Variants in NARS2 observed in about 807,000 individuals in gnomAD.
NARS2 encodes the protein asparaginyl-tRNA synthetase 2, mitochondrial, also known as asparaginyl-tRNA synthetase.
Under a neutral mutation model 62.9 loss-of-function variants are expected in NARS2, and 60 were observed. That is an observed-to-expected ratio of 0.95 (90% confidence interval 0.77 to 1.18). The LOEUF is 1.18. Among genes scored for constraint, NARS2 ranks in the 50% most tolerant of loss-of-function variants. The pLI is 0.00. For synonymous variants in NARS2, 196 were observed against 200.0 expected, an observed-to-expected ratio of 0.98 and a Z score of 0.17; for missense variants, 619 against 576.4, an observed-to-expected ratio of 1.07 and a Z score of -0.76.
rs1275563227 is a variant in NARS2, at chr11:78,469,317, G to C, written c.960-4C>G. On this transcript the variant is annotated splice_region_variant and splice_polypyrimidine_tract_variant and intron_variant, in intron 9 of 13. Transcript: ENST00000281038. Reference sequence around the variant, plus strand: ...CACTGCTTCAGTATAAGAAATGCTGGAGGAAAACAGGATACAAGCAGAGAA... The same window carrying C: ...CACTGCTTCAGTATAAGAAATGCTGCAGGAAAACAGGATACAAGCAGAGAA... 6.2e-7 allele frequency: 1 copy of C among 1,611,388 alleles called. No homozygotes were observed. Among genetic ancestry groups the C allele is most frequent in the Non-Finnish European group, 8.5e-7 (1 of 1,177,818 alleles).
intron 9 of NARS2, 29 bp downstream of exon 9, chr11:78,478,408 TA>T: frequency 1.1e-6 from 1 of 941,832 alleles, no homozygotes; most frequent in Non-Finnish European, 1.5e-6. Context: ...TGATAATGAA[TA>T]AAGTTCAAAA....
intron 11 of NARS2, among the ~76,000 whole-genome samples, chr11:78,464,956 C>T (rs182588265): frequency 0.011 from 1,658 of 152,366 alleles, 35 homozygotes; most frequent in African/African-American, 0.039. Flanking sequence ...CTGCCAGTCC[C>T]GCGCCATGCG....
chr11:78,466,119 G>A, intron 10 of NARS2, 106 bp from the exon 11 acceptor site: 1 of 1,191,970 alleles, frequency 8.4e-7, no homozygotes. Flanking sequence ...ATCTTCCTGA[G>A]GCTCCATGTG....
Position 78,436,669 on chromosome 11 carries a change from G to T in NARS2, c.*1C>A, listed in dbSNP as rs753911104. 21 of 1,613,890 alleles carry T rather than the reference G, an allele frequency of 1.3e-5. No homozygotes were observed. Among genetic ancestry groups the T allele is most frequent in the Admixed American group, 3.3e-5 (2 of 59,970 alleles). ...GTGCTTTTCCTTAACCAATCTTCCA[G>T]CTATAAAAGGCATGAATGAGGAAAC... On this transcript the variant is annotated 3_prime_UTR_variant, in exon 14 of 14. Transcript: ENST00000281038.
intron 6 of NARS2, among the ~76,000 whole-genome samples, chr11:78,495,809 C>G (rs976721419): frequency 6.6e-6 from 1 of 152,132 alleles, no homozygotes; most frequent in Non-Finnish European, 1.5e-5. Flanking sequence ...TGTGACTGTG[C>G]CATCTCTAGG....
intron 6 of NARS2, 32 bp downstream of exon 6, chr11:78,528,810 A>G: frequency 6.9e-7 from 1 of 1,450,962 alleles, no homozygotes; most frequent in Non-Finnish European, 9.7e-7. Context: ...ACCATAATAT[A>G]TCAAAGCAAA....
intron 7 of NARS2, among the ~76,000 whole-genome samples, chr11:78,489,565 T>C (rs2135310596): frequency 6.6e-6 from 1 of 152,284 alleles, no homozygotes; most frequent in African/African-American, 2.4e-5. Context: ...TTGTAATTTA[T>C]ATAAGGAACA....
chr11:78,543,596 A>G (rs1855719220), intron 5 of NARS2, among the ~76,000 whole-genome samples: 1 of 152,212 alleles, frequency 6.6e-6, no homozygotes, highest in Non-Finnish European at 1.5e-5. Context: ...TTCTCTCTAT[A>G]TTAAAAGTTC....
At chr11:78,472,998 T>C (rs1036956347) in intron 9 of NARS2, among the ~76,000 whole-genome samples, 4 of 152,182 alleles carry the variant, frequency 2.6e-5, no homozygotes, top group Non-Finnish European at 5.9e-5. Flanking sequence ...AACATGCATA[T>C]CTGACTTAAC....
chr11:78,572,722 T>A (rs919786718), intron 1 of NARS2, among the ~76,000 whole-genome samples: 7 of 152,210 alleles, frequency 4.6e-5, no homozygotes, highest in Non-Finnish European at 1.0e-4. Flanking sequence ...GTGAGTCACA[T>A]GTTTAATTTA....
chr11:78,553,035 C>T (rs1241149704), intron 5 of NARS2, among the ~76,000 whole-genome samples: 1 of 152,206 alleles, frequency 6.6e-6, no homozygotes. Flanking sequence ...AATCACCATA[C>T]TGCTTTCCAC....
At chr11:78,453,250 T>C (rs1858036432) in intron 11 of NARS2, among the ~76,000 whole-genome samples, 1 of 152,186 alleles carries the variant, frequency 6.6e-6, no homozygotes, top group South Asian at 2.1e-4. Context: ...GTACATCTTG[T>C]AGGCCCAGAA....
Position 78,465,968 on chromosome 11 carries a change from G to A in NARS2, c.1072C>T (p.His358Tyr), listed in dbSNP as rs1435574179. Residue 358 changes from histidine (H) to tyrosine (Y), a missense_variant, in exon 11 of 14, where the codon CAC (histidine) becomes TAC (tyrosine). Coordinates refer to ENST00000281038, the MANE Select transcript of NARS2 (RefSeq NM_024678.6). ...ACGAAGACAGGTATGTTGCCACAGTGCTTCACCAGGTACTTTTCATGTTCA... is the reference window on the plus strand; with the variant it reads ...ACGAAGACAGGTATGTTGCCACAGTACTTCACCAGGTACTTTTCATGTTCA... ...RTEHEKYLVK[H>Y]CGNIPVFVIN... 2.5e-6 allele frequency: 4 copies of A among 1,613,624 alleles called. No homozygotes were observed. In the Middle Eastern group the frequency reaches 5.0e-4, roughly 200 times the overall value.
At chr11:78,559,328 A>AAAAT (rs1856478851) in intron 5 of NARS2, among the ~76,000 whole-genome samples, 2 of 150,856 alleles carry the variant, frequency 1.3e-5, no homozygotes. Context: ...AAAAAAAAAA[A>AAAAT]TTCATTCTTA....
chr11:78,559,802 T>C (rs777153638), intron 4 of NARS2, among the ~76,000 whole-genome samples, 183 bp from the exon 5 acceptor site: 11 of 152,172 alleles, frequency 7.2e-5, no homozygotes, highest in African/African-American at 2.2e-4. Context: ...GGGGCACAAA[T>C]AATTTTAATT....
chr11:78,515,805 T>C (rs1860888724), intron 6 of NARS2, among the ~76,000 whole-genome samples: 1 of 152,232 alleles, frequency 6.6e-6, no homozygotes, highest in African/African-American at 2.4e-5. Context: ...ATTACAGCCC[T>C]GAGCCACTGC....
At chr11:78,459,599 T>C (rs1260797816) in intron 11 of NARS2, among the ~76,000 whole-genome samples, 1 of 152,170 alleles carries the variant, frequency 6.6e-6, no homozygotes, top group East Asian at 1.9e-4. Context: ...GTGTTTCCGC[T>C]TTCACTTCTC....
chr11:78,568,959 TAG>T (rs1253168963), intron 2 of NARS2, among the ~76,000 whole-genome samples: 1 of 152,110 alleles, frequency 6.6e-6, no homozygotes, highest in African/African-American at 2.4e-5. Flanking sequence ...AAAATGGGAA[TAG>T]AGTTAAGAAT....
At chr11:78,512,934 AT>A (rs1860769705) in intron 6 of NARS2, among the ~76,000 whole-genome samples, 3 of 152,150 alleles carry the variant, frequency 2.0e-5, no homozygotes, top group Admixed American at 2.0e-4. Context: ...AAACAATCCA[AT>A]TACATTTTTA....
Sources: allele counts gnomAD v4.1 joint callset (sites outside exome capture counted in the v4.1 genomes callset), GRCh38; gene constraint gnomAD v4.1.1; transcripts MANE v1.5; gene names NCBI Gene and HGNC (gene_info 2026-07-23, HGNC 2026-07-21).